The following DIPK2B variants were observed in gnomAD, a reference collection of about 807,000 sequenced individuals.
DIPK2B encodes the protein divergent protein kinase domain 2B.
Under a neutral mutation model 22.2 loss-of-function variants are expected in DIPK2B, and 15 were observed. That is an observed-to-expected ratio of 0.68 (90% confidence interval 0.45 to 1.04). The LOEUF (loss-of-function observed/expected upper bound fraction) is 1.04, where lower values mean the gene tolerates loss of function less well. Ranked by LOEUF, DIPK2B falls within the 50% of genes least tolerant of loss-of-function variation. The probability of loss-of-function intolerance (pLI) is 0.00; values close to 1 mark genes in which losing one functional copy is unlikely to be tolerated. For missense variants in DIPK2B, 345 were observed against 348.3 expected, an observed-to-expected ratio of 0.99 and a Z score of 0.08; for synonymous variants, 163 against 153.2, an observed-to-expected ratio of 1.06 and a Z score of -0.47.
At chrX:45,171,975 T>C (rs2047084768) in intron 2 of DIPK2B, among the ~76,000 whole-genome samples, 1 of 111,968 alleles carries the variant, frequency 8.9e-6, no homozygotes, top group Non-Finnish European at 1.9e-5. Flanking sequence ...CCACAATTCC[T>C]GAGAGGCTGA....
At chrX:45,178,507 A>G (rs1371576017) in intron 2 of DIPK2B, among the ~76,000 whole-genome samples, 1 of 111,656 alleles carries the variant, frequency 9.0e-6, no homozygotes, top group Non-Finnish European at 1.9e-5. Context: ...CCAACATAGC[A>G]CAATTATCCT....
chrX:45,151,669 A>G lies in DIPK2B; in HGVS notation c.1285T>C (p.Tyr429His). Residue 429 changes from tyrosine to histidine, a missense_variant, in exon 5 of 5, where the codon TAT becomes CAT. Physicochemically the swap from Tyr to His is moderately conservative, Grantham distance 83. Coordinates refer to ENST00000398000, the MANE Select transcript of DIPK2B (RefSeq NM_176819.4). ...RFAYRYPDCKYNDKF is the reference protein window; with the variant it reads ...RFAYRYPDCKHNDKF ...CCAGCCCTTCAGAACTTATCGTTAT[A>G]TTTGCAATCTGGGTAACGATAGGCA... 1 of 1,211,277 alleles carries G rather than the reference A, an allele frequency of 8.3e-7. No individual in the cohort carries two copies. The highest frequency in any genetic ancestry group is 1.1e-6 in the Non-Finnish European group (1 of 895,114).
chrX:45,148,441 G>A lies in DIPK2B; in HGVS notation c.*3211C>T, dbSNP rs1031890861. 4.5e-5 allele frequency: 5 copies of A among 111,078 alleles called. No homozygotes were observed. The highest frequency in any genetic ancestry group is 1.6e-4 in the African/African-American group (5 of 30,501). 9.2% of individuals were successfully genotyped at this position (111,078 alleles called of 1,213,427 possible). A position where few individuals can be genotyped will look rare whatever the true frequency, so the allele number is the denominator to read the frequency against. ...AGGTGGTACAGGAAGTGTGGGGCTG[G>A]CATCTGCTTCTGGTAAGGGCTTCAG... is the stretch of plus-strand genomic sequence containing the variant. On this transcript the variant is annotated 3_prime_UTR_variant, in exon 5 of 5. Coordinates refer to ENST00000398000, the MANE Select transcript of DIPK2B (RefSeq NM_176819.4).
intron 2 of DIPK2B, chrX:45,164,058 A>T (rs1417782442): frequency 4.6e-5 from 47 of 1,012,334 alleles, no homozygotes; most frequent in Non-Finnish European, 5.8e-5. Flanking sequence ...GTGGCATGGG[A>T]GCTGCATGTG....
rs938358948 is a variant in DIPK2B, at chrX:45,179,889, G to C, written c.498+11862C>G. 3.6e-5 allele frequency among the ~76,000 whole-genome samples: 4 copies of C among 111,532 alleles called. No individual in the cohort carries two copies. The South Asian group carries it at 1.5e-3, about 41-fold the overall frequency. On this transcript the variant is annotated intron_variant, in intron 2 of 4. Transcript: ENST00000398000. ...AGAAAAAGCATTTTATAAAATTTAC[G>C]AAAAAAATTCTCAATAAACTAGAGT...
In DIPK2B at chrX:45,150,087, G is replaced by A. The variant is rs1402013929; in HGVS notation, c.*1565C>T. ...AGTAAGGATGGGGTTTCACCATGTT[G>A]GCCAGGCTGGTCTTGAACTACTGAT... On this transcript the variant is annotated 3_prime_UTR_variant, in exon 5 of 5. Coordinates refer to ENST00000398000, the MANE Select transcript of DIPK2B (RefSeq NM_176819.4). The A allele has an allele frequency of 9.0e-6, 1 of 111,730 alleles. No homozygotes were observed. The highest frequency in any genetic ancestry group is 9.5e-5 in the Admixed American group (1 of 10,483). 9.2% of individuals were successfully genotyped at this position (111,730 alleles called of 1,213,427 possible). A position where few individuals can be genotyped will look rare whatever the true frequency, so the allele number is the denominator to read the frequency against.
intron 4 of DIPK2B, 61 bp from the exon 5 acceptor site, chrX:45,152,053 C>A: frequency 9.6e-7 from 1 of 1,041,958 alleles, no homozygotes; most frequent in Non-Finnish European, 1.3e-6. Flanking sequence ...GGGAGGGCAC[C>A]ACTAATTAGA....
intron 2 of DIPK2B, among the ~76,000 whole-genome samples, chrX:45,166,233 T>C (rs145732926): frequency 1.8e-5 from 2 of 111,470 alleles, no homozygotes; most frequent in African/African-American, 3.3e-5. Flanking sequence ...ACCAGATGCA[T>C]GGTCGCTGGA....
At chrX:45,174,997 G>A (rs185053395) in intron 2 of DIPK2B, among the ~76,000 whole-genome samples, 3 of 111,912 alleles carry the variant, frequency 2.7e-5, no homozygotes, top group African/African-American at 9.8e-5. Context: ...GCATTCAGGA[G>A]ACAGGCCTGT....
At chrX:45,174,534 C>T (rs151056068) in intron 2 of DIPK2B, among the ~76,000 whole-genome samples, 2,946 of 109,455 alleles carry the variant, frequency 0.027, 109 homozygotes, top group African/African-American at 0.094. Flanking sequence ...TCCAGGTAGG[C>T]TTCACAGAAG....
At chrX:45,168,116 C>A (rs1483954272) in intron 2 of DIPK2B, among the ~76,000 whole-genome samples, 103 of 112,841 alleles carry the variant, frequency 9.1e-4, no homozygotes, top group Non-Finnish European at 1.3e-4. Flanking sequence ...GGAGGAAAAT[C>A]TAAGTAGATA....
intron 3 of DIPK2B, among the ~76,000 whole-genome samples, chrX:45,154,482 C>G (rs865907991): frequency 9.0e-6 from 1 of 111,239 alleles, no homozygotes; most frequent in African/African-American, 3.3e-5. Flanking sequence ...TGTCTCTCAA[C>G]CTTTTTTATA....
intron 2 of DIPK2B, among the ~76,000 whole-genome samples, chrX:45,159,128 A>T (rs1343886274): frequency 1.8e-5 from 2 of 110,442 alleles, no homozygotes; most frequent in Non-Finnish European, 1.9e-5. Flanking sequence ...ATTAGAGATG[A>T]TCATTGGGGA....
At chrX:45,172,462 C>T (rs2047088530) in intron 2 of DIPK2B, among the ~76,000 whole-genome samples, 4 of 111,798 alleles carry the variant, frequency 3.6e-5, no homozygotes, top group Middle Eastern at 4.6e-3. Flanking sequence ...TGATTATGGC[C>T]TCCTCTTCCA....
At chrX:45,152,845 C>T (rs1386591495) in intron 4 of DIPK2B, among the ~76,000 whole-genome samples, 1 of 111,398 alleles carries the variant, frequency 9.0e-6, no homozygotes, top group African/African-American at 3.3e-5. Context: ...GCAGGAGAAT[C>T]GCTTGAACCC....
chrX:45,195,227 A>C (rs980600546), intron 1 of DIPK2B, among the ~76,000 whole-genome samples: 1 of 112,201 alleles, frequency 8.9e-6, no homozygotes, highest in Non-Finnish European at 1.9e-5. Context: ...GGACAACCAC[A>C]AAACAGAGAC....
chrX:45,154,831 A>G (rs2046984322), intron 3 of DIPK2B, among the ~76,000 whole-genome samples: 1 of 109,721 alleles, frequency 9.1e-6, no homozygotes, highest in Non-Finnish European at 1.9e-5. Context: ...TTTTTAAGAG[A>G]CAAGGTTTTG....
intron 2 of DIPK2B, among the ~76,000 whole-genome samples, chrX:45,170,986 A>G (rs892091857): frequency 9.0e-6 from 1 of 111,415 alleles, no homozygotes; most frequent in Non-Finnish European, 1.9e-5. Context: ...GTCTTTGTAC[A>G]TAGGGGTGGA....
chrX:45,163,696 T>A (rs1217585689), intron 2 of DIPK2B: 1 of 753,800 alleles, frequency 1.3e-6, no homozygotes, highest in Non-Finnish European at 1.6e-6. Context: ...GTATGCTTTT[T>A]TTTCCCTCTA....
Sources: gnomAD v4.1 joint callset for allele counts (sites outside exome capture counted in the v4.1 genomes callset) on GRCh38, gnomAD v4.1.1 for gene constraint, MANE v1.5 for transcripts, NCBI Gene and HGNC (gene_info 2026-07-23, HGNC 2026-07-21) for gene names.